The following MIB1 variants were observed in gnomAD, a reference collection of about 807,000 sequenced individuals.
MIB1 encodes MIB E3 ubiquitin protein ligase 1.
In MIB1, 278 loss-of-function variants were observed where a neutral mutation model predicts 124.5. The observed-to-expected ratio is 2.23, with a 90% confidence interval of 2.02 to 2.47. MIB1 has a LOEUF of 2.47. MIB1 is among the 30% of genes most tolerant of loss of function. The pLI, the probability that MIB1 is intolerant of heterozygous loss-of-function variation, is 0.00. For synonymous variants in MIB1, 446 were observed against 429.4 expected (o/e 1.04, Z -0.48); for missense variants, 957 against 1,254.4 (o/e 0.76, Z 3.58).
At chr18:21,838,341 A>G in intron 12 of MIB1, 24 bp from the exon 13 acceptor site, 1 of 1,526,764 alleles carries the variant, frequency 6.5e-7, no homozygotes. Flanking sequence ...GCAAATATAG[A>G]AATAATGTGA....
intron 1 of MIB1, among the ~76,000 whole-genome samples, chr18:21,763,741 CA>C (rs1193888622): frequency 6.6e-6 from 1 of 152,010 alleles, no homozygotes; most frequent in Non-Finnish European, 1.5e-5. Context: ...TCTCCTGACC[CA>C]TAGCTACCAA....
At chr18:21,787,186 C>T (rs925674003) in intron 6 of MIB1, among the ~76,000 whole-genome samples, 5 of 152,098 alleles carry the variant, frequency 3.3e-5, no homozygotes, top group Admixed American at 6.6e-5. Context: ...CCTTGGGTGT[C>T]ACAAATGTTT....
chr18:21,848,232 G>A, intron 16 of MIB1, among the ~76,000 whole-genome samples: 1 of 152,140 alleles, frequency 6.6e-6, no homozygotes, highest in East Asian at 1.9e-4. Flanking sequence ...GGCCGAGGCA[G>A]GTGGATTGAG....
intron 20 of MIB1, among the ~76,000 whole-genome samples, chr18:21,864,013 A>AG (rs1451556604): frequency 6.6e-6 from 1 of 152,042 alleles, no homozygotes; most frequent in East Asian, 1.9e-4. Flanking sequence ...TCAAAAAAAA[A>AG]GAAAGAAAGA....
intron 1 of MIB1, among the ~76,000 whole-genome samples, chr18:21,762,011 A>G (rs2041103847): frequency 6.6e-6 from 1 of 152,184 alleles, no homozygotes; most frequent in Non-Finnish European, 1.5e-5. Context: ...TTTGTTCTGT[A>G]TGCTTTTGAG....
chr18:21,705,594 C>T (rs1288848965), intron 1 of MIB1, among the ~76,000 whole-genome samples: 1 of 152,158 alleles, frequency 6.6e-6, no homozygotes, highest in Non-Finnish European at 1.5e-5. Flanking sequence ...ACTCCTTCCT[C>T]AGAGAGGTAG....
chr18:21,718,013 A>T (rs2040697402), intron 1 of MIB1, among the ~76,000 whole-genome samples: 2 of 152,234 alleles, frequency 1.3e-5, no homozygotes. Flanking sequence ...CAGTCAGTGA[A>T]TGAATAAAGA....
intron 10 of MIB1, among the ~76,000 whole-genome samples, chr18:21,814,893 AAACAACAACAAC>A (rs530748972): frequency 2.0e-5 from 3 of 149,132 alleles, no homozygotes; most frequent in Non-Finnish European, 4.5e-5. Context: ...GATTCTTTAA[AAACAACAACAAC>A]AACAACAACA....
At chr18:21,805,112 A>G (rs1598619692) in intron 10 of MIB1, among the ~76,000 whole-genome samples, 1 of 152,168 alleles carries the variant, frequency 6.6e-6, no homozygotes, top group Middle Eastern at 3.4e-3. Flanking sequence ...TCCTGGGATC[A>G]AGTGATTCTC....
chr18:21,795,319 A>AT (rs1294036250), intron 7 of MIB1, among the ~76,000 whole-genome samples: 149 of 142,430 alleles, frequency 1.0e-3, no homozygotes, highest in African/African-American at 3.8e-3. Context: ...TATATTATAT[A>AT]TAATATATAA....
intron 10 of MIB1, among the ~76,000 whole-genome samples, chr18:21,805,855 G>A (rs1161060111): frequency 6.6e-6 from 1 of 150,870 alleles, no homozygotes; most frequent in Non-Finnish European, 1.5e-5. Context: ...TGTGGAATTA[G>A]GAATGAAATT....
Position 21,869,699 on chromosome 18 carries a change from C to T in MIB1, c.*5033C>T, listed in dbSNP as rs1211067531. The T allele has an allele frequency of 6.6e-6, 1 of 152,218 alleles. No homozygotes were observed. The highest frequency in any genetic ancestry group is 1.5e-5 in the Non-Finnish European group (1 of 67,868). The allele number at this position is 152,218 out of a possible 1,614,324, so 9.4% of individuals were successfully genotyped here. A position where few individuals can be genotyped will look rare whatever the true frequency, so the allele number is the denominator to read the frequency against. On this transcript the variant is annotated 3_prime_UTR_variant, in exon 21 of 21. Coordinates refer to ENST00000261537, the MANE Select transcript of MIB1 (RefSeq NM_020774.4). ...ATTATGCAAAGTCATCTATAAGTAGCATCTGGGAAGAGGAGATCGAGGCCA... is the reference window on the plus strand; with the variant it reads ...ATTATGCAAAGTCATCTATAAGTAGTATCTGGGAAGAGGAGATCGAGGCCA...
At chr18:21,856,242 A>AAAAAACAG (rs1175527304) in intron 18 of MIB1, among the ~76,000 whole-genome samples, 2 of 150,954 alleles carry the variant, frequency 1.3e-5, no homozygotes, top group East Asian at 3.9e-4. Context: ...GTCTCAAAAA[A>AAAAAACAG]AAAACAAAAA....
At chr18:21,825,223 A>G (rs1345413175) in intron 12 of MIB1, among the ~76,000 whole-genome samples, 1 of 152,178 alleles carries the variant, frequency 6.6e-6, no homozygotes, top group Non-Finnish European at 1.5e-5. Flanking sequence ...ATTAAAGGCC[A>G]ATACTATGGA....
intron 18 of MIB1, among the ~76,000 whole-genome samples, chr18:21,855,231 A>G (rs1252354550): frequency 1.3e-5 from 2 of 152,204 alleles, no homozygotes; most frequent in African/African-American, 4.8e-5. Flanking sequence ...GAGGTGGAAC[A>G]TATGCCTTTC....
At chr18:21,705,390 A>G (rs1181434913) in intron 1 of MIB1, among the ~76,000 whole-genome samples, 2 of 152,258 alleles carry the variant, frequency 1.3e-5, no homozygotes, top group African/African-American at 4.8e-5. Flanking sequence ...TTCAATTGTT[A>G]AAAGCCTATT....
intron 11 of MIB1, 119 bp downstream of exon 11, chr18:21,815,932 C>A: frequency 1.1e-6 from 1 of 909,916 alleles, no homozygotes; most frequent in Non-Finnish European, 1.6e-6. Flanking sequence ...GTAAATGATA[C>A]CAAAGGCGTA....
intron 6 of MIB1, among the ~76,000 whole-genome samples, chr18:21,780,023 T>C (rs1233014292): frequency 6.6e-6 from 1 of 152,188 alleles, no homozygotes; most frequent in Non-Finnish European, 1.5e-5. Context: ...GTGTTCGTAT[T>C]GGACTATATC....
At chr18:21,713,506 G>A (rs1392338428) in intron 1 of MIB1, among the ~76,000 whole-genome samples, 3 of 151,006 alleles carry the variant, frequency 2.0e-5, no homozygotes, top group East Asian at 2.0e-4. Flanking sequence ...CCAGCTACTC[G>A]GGAGGATGAG....
Sources: gnomAD v4.1 joint callset for allele counts (sites outside exome capture counted in the v4.1 genomes callset) on GRCh38, gnomAD v4.1.1 for gene constraint, MANE v1.5 for transcripts, NCBI Gene and HGNC (gene_info 2026-07-23, HGNC 2026-07-21) for gene names.